Variants in PKP2 observed in about 807,000 individuals in gnomAD.
PKP2 encodes plakophilin-2.
A neutral mutation model predicts 83.4 loss-of-function variants in PKP2; 73 were observed. The ratio of observed to expected loss-of-function variants is 0.88; its 90% CI spans 0.72 to 1.06. The LOEUF (loss-of-function observed/expected upper bound fraction) is 1.06. Among genes scored for constraint, PKP2 ranks in the 50% least tolerant of loss-of-function variants. PKP2 has a pLI of 0.00. For synonymous variants in PKP2, 409 were observed against 430.4 expected, an observed-to-expected ratio of 0.95 and a Z score of 0.62; for missense variants, 966 against 1,065.4, an observed-to-expected ratio of 0.91 and a Z score of 1.30.
intron 9 of PKP2, among the ~76,000 whole-genome samples, chr12:32,807,788 G>C (rs1436509595): frequency 6.6e-6 from 1 of 152,046 alleles, no homozygotes; most frequent in African/African-American, 2.4e-5. Flanking sequence ...TGTTTATGAA[G>C]GTTAGTTTGG....
chr12:32,884,955 T>G (rs1228011746), intron 1 of PKP2, among the ~76,000 whole-genome samples: 1 of 152,166 alleles, frequency 6.6e-6, no homozygotes, highest in Non-Finnish European at 1.5e-5. Flanking sequence ...AGGGGATGAT[T>G]TACTAGGAAA....
chr12:32,833,347 A>C (rs945451482), intron 6 of PKP2, among the ~76,000 whole-genome samples: 3 of 152,242 alleles, frequency 2.0e-5, no homozygotes, highest in African/African-American at 7.2e-5. Context: ...GATACGCATT[A>C]AAAATTATAT....
At position 32,844,963 on chromosome 12, in the gene PKP2, T is replaced by C. The variant is rs570278502; in HGVS notation, c.1379-3758A>G. 2.0e-5 allele frequency among the ~76,000 whole-genome samples: 3 copies of C among 152,324 alleles called. No individual in the cohort carries two copies. In the South Asian group the frequency reaches 6.2e-4, roughly 32 times the overall value. ...GGATTACCTAATATAATATTTACGG[T>C]TTGGGTTTTCATGTGTCTCATCCTT... On this transcript the variant is annotated intron_variant, in intron 5 of 12. Transcript: ENST00000340811.
In PKP2 at chr12:32,880,535, C is replaced by T. The variant is rs141311957; in HGVS notation, c.224-1503G>A. 3.9e-5 allele frequency among the ~76,000 whole-genome samples: 6 copies of T among 152,296 alleles called. No individual in the cohort carries two copies. The East Asian group carries it at 9.7e-4, about 25-fold the overall frequency. The stretch of plus-strand genomic sequence containing the variant: ...GAGTTAGGCAGGAAAGGAAATCAAC[C>T]TCTATGCTCCATCCAAATGGCTGCT... On this transcript the variant is annotated intron_variant, in intron 1 of 12. Transcript: ENST00000340811.
intron 9 of PKP2, among the ~76,000 whole-genome samples, chr12:32,818,048 A>C (rs1956336354): frequency 6.6e-6 from 1 of 152,174 alleles, no homozygotes; most frequent in African/African-American, 2.4e-5. Context: ...ATCTCTCCCC[A>C]GCCTAGTCTG....
chr12:32,802,213 A>G lies in PKP2; in HGVS notation c.2167+190T>C, dbSNP rs565198426. Among the ~76,000 whole-genome samples, 28 of 152,170 alleles carry G rather than the reference A, an allele frequency of 1.8e-4. 1 individual carries two copies. In the South Asian group the frequency reaches 5.8e-3, roughly 32 times the overall value. On this transcript the variant is annotated intron_variant, in intron 10 of 12. Coordinates refer to ENST00000340811, the MANE Select transcript of PKP2 (RefSeq NM_001005242.3). The stretch of plus-strand genomic sequence containing the variant: ...TTTAAATGTTGGATATTTAAAAAAA[A>G]TCTCTGGTGAGATCCACTGAGAAAG...
intron 6 of PKP2, among the ~76,000 whole-genome samples, chr12:32,833,277 A>T (rs1956516935): frequency 6.6e-6 from 1 of 152,164 alleles, no homozygotes; most frequent in African/African-American, 2.4e-5. Context: ...AAAAAGAAAG[A>T]AAAGAAAATG....
At chr12:32,874,559 A>G (rs1407527423) in intron 3 of PKP2, among the ~76,000 whole-genome samples, 5 of 152,186 alleles carry the variant, frequency 3.3e-5, no homozygotes, top group African/African-American at 1.2e-4. Flanking sequence ...CTTGACCCCA[A>G]GTGTTCCTTC....
At chr12:32,827,367 T>C (rs1020395304) in intron 6 of PKP2, among the ~76,000 whole-genome samples, 20 of 152,354 alleles carry the variant, frequency 1.3e-4, no homozygotes, top group Middle Eastern at 6.8e-3. Context: ...GTTCCCACCT[T>C]ACTCAACTAC....
Position 32,868,913 on chromosome 12 carries a change from A to T in PKP2, c.1170+14T>A, listed in dbSNP as rs1434426398. On this transcript the variant is annotated intron_variant, in intron 4 of 12. Transcript: ENST00000340811. ...GTGTGTTGCGCTTTGCAATGGACTG[A>T]AGATGACACTCACCCTCTTCCGAGC... 2 of 1,611,908 alleles carry T rather than the reference A, an allele frequency of 1.2e-6. No homozygotes were observed. The highest frequency in any genetic ancestry group is 1.3e-5 in the African/African-American group (1 of 74,902).
intron 1 of PKP2, among the ~76,000 whole-genome samples, chr12:32,885,296 G>T (rs1371299355): frequency 3.9e-5 from 6 of 152,176 alleles, no homozygotes; most frequent in African/African-American, 1.4e-4. Flanking sequence ...TATGGAAAAA[G>T]AAGCTTTGTG....
At position 32,851,037 on chromosome 12, in the gene PKP2, T is replaced by C. The variant is rs1328631993; in HGVS notation, c.1171-64A>G. The C allele has an allele frequency of 8.3e-6, 11 of 1,319,186 alleles. No homozygotes were observed. In the African/African-American group the frequency reaches 1.6e-4, roughly 19 times the overall value. 81.7% of individuals were successfully genotyped at this position (1,319,186 alleles called of 1,614,324 possible). On this transcript the variant is annotated intron_variant, in intron 4 of 12. Coordinates refer to ENST00000340811, the MANE Select transcript of PKP2 (RefSeq NM_001005242.3). The stretch of plus-strand genomic sequence containing the variant: ...TGATGTGGCATCAAGGCATTCAATG[T>C]AATACAAACAGATGAAGTTTACTGA...
intron 5 of PKP2, among the ~76,000 whole-genome samples, chr12:32,841,774 A>T (rs1437158801): frequency 1.2e-4 from 19 of 152,148 alleles, no homozygotes. Context: ...GATCAACATC[A>T]CCAATTAATG....
intron 1 of PKP2, among the ~76,000 whole-genome samples, chr12:32,892,708 CA>C (rs1030446220): frequency 6.8e-6 from 1 of 146,960 alleles, no homozygotes; most frequent in African/African-American, 2.5e-5. Flanking sequence ...GGTGGATTTC[CA>C]AAGAGGTTGT....
At chr12:32,885,783 C>T (rs762562283) in intron 1 of PKP2, among the ~76,000 whole-genome samples, 16 of 152,038 alleles carry the variant, frequency 1.1e-4, no homozygotes, top group Non-Finnish European at 1.6e-4. Context: ...TATTGTGGTT[C>T]CATTACCTGT....
At chr12:32,852,703 A>C (rs370418041) in intron 4 of PKP2, among the ~76,000 whole-genome samples, 1 of 152,172 alleles carries the variant, frequency 6.6e-6, no homozygotes, top group African/African-American at 2.4e-5. Flanking sequence ...CCTTCTGAGG[A>C]GACATTTGCA....
chr12:32,862,666 G>T (rs570443230), intron 4 of PKP2, among the ~76,000 whole-genome samples: 11 of 148,696 alleles, frequency 7.4e-5, no homozygotes, highest in African/African-American at 2.2e-4. Context: ...GAAAAGAAAA[G>T]AAAATTCTTC....
At chr12:32,797,560 C>CTTTTTTTTTTTT (rs751510872) in intron 10 of PKP2, among the ~76,000 whole-genome samples, 9 of 132,740 alleles carry the variant, frequency 6.8e-5, no homozygotes, top group East Asian at 2.5e-4. Context: ...GAACTAAAAT[C>CTTTTTTTTTTTT]TTTTTTTTTT....
chr12:32,848,431 A>G (rs1956667799), intron 5 of PKP2, among the ~76,000 whole-genome samples: 1 of 152,186 alleles, frequency 6.6e-6, no homozygotes, highest in Admixed American at 6.5e-5. Context: ...TCTCAAAAAG[A>G]AAAAGAGAAT....
Sources: gnomAD v4.1 joint callset for allele counts (sites outside exome capture counted in the v4.1 genomes callset) on GRCh38, gnomAD v4.1.1 for gene constraint, MANE v1.5 for transcripts, NCBI Gene and HGNC (gene_info 2026-07-23, HGNC 2026-07-21) for gene names.